The following NRXN3 variants were observed in gnomAD, a reference collection of about 807,000 sequenced individuals.
The protein encoded by NRXN3 is neurexin 3, also known as neurexin III.
NRXN3 carries 32 observed loss-of-function variants against 137.6 expected under a neutral mutation model. The ratio of observed to expected loss-of-function variants is 0.23; its 90% confidence interval spans 0.18 to 0.31. NRXN3 has a LOEUF of 0.31. Among genes scored for constraint, NRXN3 ranks in the 10% least tolerant of loss-of-function variants. The pLI, the probability that NRXN3 is intolerant of heterozygous loss-of-function variation, is 1.00. For synonymous variants in NRXN3, 798 were observed against 784.5 expected, an observed-to-expected ratio of 1.02 and a Z score of -0.29; for missense variants, 1,574 against 2,062.5, an observed-to-expected ratio of 0.76 and a Z score of 4.59.
intron 10 of NRXN3, among the ~76,000 whole-genome samples, chr14:78,824,542 C>T (rs984122770): frequency 2.0e-5 from 3 of 152,102 alleles, no homozygotes; most frequent in African/African-American, 7.2e-5. Flanking sequence ...TGTAGATAAA[C>T]ACAGATTTCT....
Position 79,192,267 on chromosome 14 carries a change from A to T in NRXN3, c.3262+204126A>T, listed in dbSNP as rs572494203. Among the ~76,000 whole-genome samples, 12 of 152,318 alleles carry T rather than the reference A, an allele frequency of 7.9e-5. 1 individual carries two copies. The East Asian group carries it at 2.3e-3, about 29-fold the overall frequency. On this transcript the variant is annotated intron_variant, in intron 15 of 20. Transcript: ENST00000335750. ...TTCTTGTTCTGTAAAATATGATAAT[A>T]GTAGGAATAATAATAGTGCCTTCTT...
At chr14:79,059,582 C>A (rs2099671632) in intron 15 of NRXN3, among the ~76,000 whole-genome samples, 1 of 152,060 alleles carries the variant, frequency 6.6e-6, no homozygotes, top group East Asian at 1.9e-4. Context: ...ATAAAACTTC[C>A]AGGTAGATGC....
intron 15 of NRXN3, among the ~76,000 whole-genome samples, chr14:79,261,183 A>G (rs2077525297): frequency 6.6e-6 from 1 of 152,154 alleles, no homozygotes; most frequent in Admixed American, 6.5e-5. Flanking sequence ...ACACAGGGAG[A>G]AGAAACGAAA....
At chr14:78,541,234 A>G (rs1000326622) in intron 4 of NRXN3, among the ~76,000 whole-genome samples, 40 of 152,176 alleles carry the variant, frequency 2.6e-4, no homozygotes, top group African/African-American at 8.2e-4. Context: ...CATTCTCCCC[A>G]TCACTTTCAG....
chr14:78,704,549 C>T (rs1237778261), intron 6 of NRXN3, among the ~76,000 whole-genome samples: 2 of 152,116 alleles, frequency 1.3e-5, no homozygotes. Context: ...GGGCTTTGCA[C>T]ATCAAGATGG....
chr14:79,511,948 G>T (rs779065654), intron 16 of NRXN3, among the ~76,000 whole-genome samples: 2 of 152,206 alleles, frequency 1.3e-5, no homozygotes, highest in Non-Finnish European at 2.9e-5. Context: ...TGCCCAGGCT[G>T]GAGTGCAATG....
At chr14:78,658,903 A>G (rs1422039065) in intron 6 of NRXN3, among the ~76,000 whole-genome samples, 1 of 152,224 alleles carries the variant, frequency 6.6e-6, no homozygotes, top group East Asian at 1.9e-4. Flanking sequence ...GAAGATGCAA[A>G]TCAGAGGAAA....
At chr14:78,532,182 G>A (rs569804083) in intron 4 of NRXN3, among the ~76,000 whole-genome samples, 6 of 150,456 alleles carry the variant, frequency 4.0e-5, no homozygotes, top group African/African-American at 7.3e-5. Flanking sequence ...AAGTGCGCGC[G>A]TGGTGGCACA....
chr14:78,432,236 A>AT (rs920365733), intron 4 of NRXN3, among the ~76,000 whole-genome samples: 4 of 151,748 alleles, frequency 2.6e-5, no homozygotes, highest in African/African-American at 9.7e-5. Flanking sequence ...AGCAGCTCAC[A>AT]TGCCAAGGCT....
At chr14:79,658,735 T>C (rs1479303472) in intron 16 of NRXN3, among the ~76,000 whole-genome samples, 1 of 152,166 alleles carries the variant, frequency 6.6e-6, no homozygotes, top group Non-Finnish European at 1.5e-5. Flanking sequence ...AGAGGCATTA[T>C]TTACATATTG....
intron 10 of NRXN3, among the ~76,000 whole-genome samples, chr14:78,895,450 T>C (rs1005801013): frequency 2.0e-5 from 3 of 151,978 alleles, no homozygotes; most frequent in African/African-American, 7.2e-5. Context: ...GGCCTTGCTC[T>C]GGGTTAGGCT....
At chr14:79,291,858 G>T (rs77647588) in intron 15 of NRXN3, among the ~76,000 whole-genome samples, 16,123 of 151,722 alleles carry the variant, frequency 0.11, 1,060 homozygotes, top group Non-Finnish European at 0.14. Flanking sequence ...ACCTCTTAGG[G>T]TCTACCTAGA....
At chr14:79,028,559 G>C (rs1379532995) in intron 15 of NRXN3, among the ~76,000 whole-genome samples, 1 of 152,176 alleles carries the variant, frequency 6.6e-6, no homozygotes, top group African/African-American at 2.4e-5. Context: ...TCAAACAAAA[G>C]AGATGACAGA....
chr14:78,245,598 T>C (rs1036121515), intron 2 of NRXN3, among the ~76,000 whole-genome samples: 1 of 152,232 alleles, frequency 6.6e-6, no homozygotes, highest in Non-Finnish European at 1.5e-5. Context: ...GTGCTTGATG[T>C]GAACCTTAGC....
chr14:79,225,232 TG>T (rs758220142), intron 15 of NRXN3, among the ~76,000 whole-genome samples: 64 of 152,148 alleles, frequency 4.2e-4, no homozygotes, highest in Non-Finnish European at 7.1e-4. Context: ...TTTAATGGAC[TG>T]AGATAGGTTG....
chr14:79,494,657 G>GT (rs2096749587), intron 16 of NRXN3, among the ~76,000 whole-genome samples: 1 of 152,158 alleles, frequency 6.6e-6, no homozygotes, highest in South Asian at 2.1e-4. Context: ...CAGAAATATA[G>GT]TTTTTTAAAC....
intron 4 of NRXN3, among the ~76,000 whole-genome samples, chr14:78,601,706 G>A (rs561646981): frequency 5.3e-5 from 8 of 152,060 alleles, no homozygotes; most frequent in Admixed American, 3.9e-4. Context: ...CACCCACCTC[G>A]GCCTCCCAAA....
chr14:78,320,855 T>C (rs2091903), intron 4 of NRXN3, among the ~76,000 whole-genome samples: 79,492 of 151,954 alleles, frequency 0.52, 22,440 homozygotes, highest in African/African-American at 0.74. Context: ...CGGTGGCTCA[T>C]GCCTGTAATC....
At chr14:79,569,630 TGA>T (rs765780227) in intron 16 of NRXN3, among the ~76,000 whole-genome samples, 17,169 of 135,244 alleles carry the variant, frequency 0.13, 1,026 homozygotes, top group South Asian at 0.21. Flanking sequence ...TGTGTGTGTG[TGA>T]GAGAGAGAGA....
Sources: gnomAD v4.1 joint callset for allele counts (sites outside exome capture counted in the v4.1 genomes callset) on GRCh38, gnomAD v4.1.1 for gene constraint, MANE v1.5 for transcripts, NCBI Gene and HGNC (gene_info 2026-07-23, HGNC 2026-07-21) for gene names.